DNMBP: variants seen among roughly 807,000 people sequenced by gnomAD.
The protein encoded by DNMBP is dynamin-binding protein.
A neutral mutation model predicts 150.0 loss-of-function variants in DNMBP; 87 were observed. The ratio of observed to expected loss-of-function variants is 0.58; its 90% CI spans 0.49 to 0.69. The LOEUF (loss-of-function observed/expected upper bound fraction) is 0.69, where lower values mean the gene tolerates loss of function less well. DNMBP is among the 30% of genes least tolerant of loss of function. The pLI is 0.00. For missense variants in DNMBP, 1,774 were observed against 1,949.0 expected (o/e 0.91, Z 1.69); for synonymous variants, 711 against 750.4 (o/e 0.95, Z 0.86).
intron 4 of DNMBP, among the ~76,000 whole-genome samples, chr10:99,924,701 T>C (rs1251173731): frequency 6.6e-6 from 1 of 152,210 alleles, no homozygotes; most frequent in African/African-American, 2.4e-5. Flanking sequence ...ATGGGATCTA[T>C]GTGCTGGTAT....
At position 99,895,004 on chromosome 10, in the gene DNMBP, T is replaced by C. The variant is rs1484449479; in HGVS notation, c.3098A>G (p.Gln1033Arg). The change falls in exon 11 of 17, where the codon CAA becomes CGA. Residue 1033 changes from glutamine to arginine, a missense_variant. Transcript: ENST00000324109. ...GATAAAAGACTTAATCAATCTTTCT[T>C]GCATTCGGAAGTTTTTTTCTGTTTC... The part of the protein sequence containing the change: ...FEETEKNFRM[Q>R]ERLIKSFIRD... 3.7e-6 allele frequency: 6 copies of C among 1,614,088 alleles called. No homozygotes were observed. Among genetic ancestry groups the C allele is most frequent in the Non-Finnish European group, 3.4e-6 (4 of 1,179,974 alleles).
At chr10:99,880,416 C>T in intron 15 of DNMBP, 55 bp from the exon 16 acceptor site, 2 of 1,468,120 alleles carry the variant, frequency 1.4e-6, no homozygotes, top group Admixed American at 2.6e-5. Flanking sequence ...GCTGGACAGA[C>T]AGAGGGAGCA....
intron 10 of DNMBP, 73 bp from the exon 11 acceptor site, chr10:99,895,123 T>C (rs1237750146): frequency 1.5e-5 from 3 of 197,560 alleles, no homozygotes; most frequent in Admixed American, 1.5e-4. Context: ...AGTAGCTTGC[T>C]TTTTTTTTTT....
At chr10:99,929,592 C>A in intron 4 of DNMBP, 1 of 646,454 alleles carries the variant, frequency 1.5e-6, no homozygotes, top group South Asian at 1.8e-5. Flanking sequence ...CTTAAGAAGG[C>A]TGGCTGAGTT....
intron 4 of DNMBP, among the ~76,000 whole-genome samples, chr10:99,945,087 T>C (rs1013929343): frequency 6.6e-6 from 1 of 152,316 alleles, no homozygotes; most frequent in Middle Eastern, 3.4e-3. Flanking sequence ...AAGTTGGACC[T>C]GGGCTGAGAA....
chr10:99,972,216 C>T (rs1178758704), intron 1 of DNMBP, 82 bp from the exon 2 acceptor site: 34 of 1,302,368 alleles, frequency 2.6e-5, no homozygotes, highest in Non-Finnish European at 3.3e-5. Flanking sequence ...AATGATAAAG[C>T]TTAAGATACA....
chr10:99,898,821 T>G, intron 7 of DNMBP, 61 bp from the exon 8 acceptor site: 1 of 1,468,694 alleles, frequency 6.8e-7, no homozygotes, highest in Non-Finnish European at 9.5e-7. Flanking sequence ...ATCTTGAGTT[T>G]CACATTTTTC....
Position 99,955,435 on chromosome 10 carries a change from T to C in DNMBP, c.2039A>G (p.His680Arg). Residue 680 changes from histidine to arginine, a missense_variant, in exon 4 of 17, where the codon CAT becomes CGT. By Grantham distance (29) the His-to-Arg change is conservative. Transcript: ENST00000324109. Reference sequence around the variant, plus strand: ...GGTCTGGTCCAGACTCCTTCCCATATGACCAGGGCCCTCCTTTTCTAAGGT... The same window carrying C: ...GGTCTGGTCCAGACTCCTTCCCATACGACCAGGGCCCTCCTTTTCTAAGGT... ...CETLEKEGPG[H>R]MGRSLDQTSP... is the part of the protein sequence containing the mutation. 6.2e-7 allele frequency: 1 copy of C among 1,612,400 alleles called. No individual in the cohort carries two copies. The highest frequency in any genetic ancestry group is 8.5e-7 in the Non-Finnish European group (1 of 1,179,016).
At chr10:99,916,655 TA>T (rs34566626) in intron 4 of DNMBP, among the ~76,000 whole-genome samples, 9,640 of 149,284 alleles carry the variant, frequency 0.065, 379 homozygotes, top group Middle Eastern at 0.21. Flanking sequence ...TTTTTCTACT[TA>T]AAAAAAAAAA....
chr10:99,950,449 A>C (rs1195497901), intron 4 of DNMBP, among the ~76,000 whole-genome samples: 1 of 152,176 alleles, frequency 6.6e-6, no homozygotes, highest in Non-Finnish European at 1.5e-5. Context: ...CGGAGGCTGG[A>C]ACAATTTGGA....
intron 1 of DNMBP, among the ~76,000 whole-genome samples, chr10:99,985,246 C>A (rs929530228): frequency 6.6e-6 from 1 of 152,058 alleles, no homozygotes; most frequent in African/African-American, 2.4e-5. Context: ...CATGGAAAAC[C>A]AGGGACGAGC....
chr10:99,955,069 A>C, intron 4 of DNMBP, 145 bp downstream of exon 4: 1 of 766,734 alleles, frequency 1.3e-6, no homozygotes, highest in South Asian at 2.0e-5. Context: ...GGAAAAAAAA[A>C]AAAAGAAAAG....
chr10:99,970,739 G>T (rs999877289), intron 2 of DNMBP, among the ~76,000 whole-genome samples: 1 of 151,830 alleles, frequency 6.6e-6, no homozygotes, highest in Non-Finnish European at 1.5e-5. Flanking sequence ...TTGGGAGGCC[G>T]AGGCAGGCGG....
chr10:99,968,174 T>A (rs7903096), intron 3 of DNMBP, among the ~76,000 whole-genome samples: 5 of 151,924 alleles, frequency 3.3e-5, no homozygotes, highest in Non-Finnish European at 2.9e-5. Flanking sequence ...TGGCTAAGTA[T>A]GACTATCTGT....
chr10:99,990,129 C>T (rs1203954901), intron 1 of DNMBP, among the ~76,000 whole-genome samples: 1 of 152,194 alleles, frequency 6.6e-6, no homozygotes, highest in Non-Finnish European at 1.5e-5. Context: ...CCAGTGATCA[C>T]ACTATTCTTT....
At chr10:99,939,759 C>T (rs548448612) in intron 4 of DNMBP, among the ~76,000 whole-genome samples, 1 of 152,246 alleles carries the variant, frequency 6.6e-6, no homozygotes, top group East Asian at 1.9e-4. Context: ...TCCGCAATCA[C>T]CCCTGCAGAT....
intron 6 of DNMBP, among the ~76,000 whole-genome samples, chr10:99,902,606 G>A (rs1589407956): frequency 7.0e-6 from 1 of 142,760 alleles, no homozygotes; most frequent in African/African-American, 2.6e-5. Flanking sequence ...CACCGCACCC[G>A]GCTGCCTCCC....
chr10:99,944,804 C>A (rs1298661922), intron 4 of DNMBP, among the ~76,000 whole-genome samples: 1 of 152,148 alleles, frequency 6.6e-6, no homozygotes, highest in African/African-American at 2.4e-5. Flanking sequence ...ACTCCTAATT[C>A]TCAGTTACAG....
intron 1 of DNMBP, among the ~76,000 whole-genome samples, chr10:99,978,895 G>GT (rs1299451652): frequency 1.3e-5 from 2 of 151,694 alleles, no homozygotes; most frequent in Non-Finnish European, 2.9e-5. Context: ...TTTTATTTTT[G>GT]TTTTTTTAAA....
Sources: gnomAD v4.1 joint callset for allele counts (sites outside exome capture counted in the v4.1 genomes callset) on GRCh38, gnomAD v4.1.1 for gene constraint, MANE v1.5 for transcripts, NCBI Gene and HGNC (gene_info 2026-07-23, HGNC 2026-07-21) for gene names.